The following ABTB3 variants were observed in gnomAD, a reference collection of about 807,000 sequenced individuals.
The protein encoded by ABTB3 is ankyrin repeat and BTB domain containing 3.
chr12:107,390,003 A>G, the ABTB3 span, among the ~76,000 whole-genome samples: 3 of 152,118 alleles, frequency 2.0e-5, no homozygotes, highest in East Asian at 5.8e-4. Context: ...TGGACTTCTT[A>G]AATGGTATTC....
the ABTB3 span, chr12:107,610,039 A>C: frequency 1.2e-6 from 1 of 840,340 alleles, no homozygotes. Flanking sequence ...GGATCAAGAG[A>C]CATCCGGAGG....
the ABTB3 span, among the ~76,000 whole-genome samples, chr12:107,353,312 G>A: frequency 6.6e-6 from 1 of 152,310 alleles, no homozygotes; most frequent in African/African-American, 2.4e-5. Flanking sequence ...GAACTCACTA[G>A]TGGGGTGGTA....
chr12:107,344,111 G>T, the ABTB3 span, among the ~76,000 whole-genome samples: 1 of 152,148 alleles, frequency 6.6e-6, no homozygotes, highest in Non-Finnish European at 1.5e-5. Context: ...CAATATGGCT[G>T]CTACAGCTTC....
chr12:107,584,150 T>C, the ABTB3 span, among the ~76,000 whole-genome samples: 1 of 152,242 alleles, frequency 6.6e-6, no homozygotes, highest in African/African-American at 2.4e-5. Flanking sequence ...CTAATCTCAT[T>C]TAATGTGACA....
chr12:107,322,416 G>A, the ABTB3 span, among the ~76,000 whole-genome samples: 1 of 152,174 alleles, frequency 6.6e-6, no homozygotes, highest in Non-Finnish European at 1.5e-5. Context: ...GTTAAAGAAT[G>A]AGTGATTAAT....
chr12:107,593,254 G>A, the ABTB3 span, among the ~76,000 whole-genome samples: 1 of 152,168 alleles, frequency 6.6e-6, no homozygotes, highest in Non-Finnish European at 1.5e-5. Context: ...TCCCACTACA[G>A]TGGCAGAGTT....
At chr12:107,587,948 A>G in the ABTB3 span, among the ~76,000 whole-genome samples, 1 of 152,184 alleles carries the variant, frequency 6.6e-6, no homozygotes, top group Non-Finnish European at 1.5e-5. Context: ...CTAGAGGCTA[A>G]AAATCCAAAA....
the ABTB3 span, among the ~76,000 whole-genome samples, chr12:107,490,806 G>T: frequency 1.3e-4 from 20 of 152,186 alleles, no homozygotes; most frequent in Non-Finnish European, 2.8e-4. Context: ...GAGAAAGGGT[G>T]CTGGATGTGT....
At chr12:107,542,531 T>C in the ABTB3 span, among the ~76,000 whole-genome samples, 1 of 152,118 alleles carries the variant, frequency 6.6e-6, no homozygotes, top group Non-Finnish European at 1.5e-5. Context: ...TAACACCTGT[T>C]ACGTATAAAA....
chr12:107,397,137 G>A, the ABTB3 span, among the ~76,000 whole-genome samples: 2 of 152,242 alleles, frequency 1.3e-5, no homozygotes. Flanking sequence ...ATTCCTAGAA[G>A]TAGAATTGCT....
chr12:107,522,435 G>T, the ABTB3 span, among the ~76,000 whole-genome samples: 1 of 151,994 alleles, frequency 6.6e-6, no homozygotes, highest in Non-Finnish European at 1.5e-5. Context: ...GCAGTTTTTA[G>T]TATATTTACC....
the ABTB3 span, among the ~76,000 whole-genome samples, chr12:107,423,374 T>C: frequency 6.6e-6 from 1 of 152,172 alleles, no homozygotes; most frequent in Admixed American, 6.5e-5. Context: ...CAGAACACAG[T>C]ATCTCCATGC....
chr12:107,402,418 C>T, the ABTB3 span, among the ~76,000 whole-genome samples: 1 of 152,162 alleles, frequency 6.6e-6, no homozygotes, highest in Non-Finnish European at 1.5e-5. Flanking sequence ...GCTGTTTCAT[C>T]TGTAAAGTGG....
chr12:107,579,465 A>G, the ABTB3 span, among the ~76,000 whole-genome samples: 1 of 152,196 alleles, frequency 6.6e-6, no homozygotes, highest in African/African-American at 2.4e-5. Context: ...GATCAATGAA[A>G]TGGGCATAAT....
the ABTB3 span, among the ~76,000 whole-genome samples, chr12:107,510,500 A>G: frequency 2.0e-5 from 3 of 152,098 alleles, no homozygotes; most frequent in Non-Finnish European, 4.4e-5. Context: ...TAGACAACAC[A>G]TTAACAGATA....
At chr12:107,607,987 T>C in the ABTB3 span, among the ~76,000 whole-genome samples, 1 of 152,060 alleles carries the variant, frequency 6.6e-6, no homozygotes, top group Non-Finnish European at 1.5e-5. Context: ...ACAAAGTGGG[T>C]TCATTAGAGG....
the ABTB3 span, among the ~76,000 whole-genome samples, chr12:107,333,193 C>T: frequency 6.6e-6 from 1 of 152,176 alleles, no homozygotes; most frequent in Non-Finnish European, 1.5e-5. Flanking sequence ...CAGCATATGA[C>T]TCTTCCTCCT....
At chr12:107,408,250 A>G in the ABTB3 span, among the ~76,000 whole-genome samples, 1 of 152,246 alleles carries the variant, frequency 6.6e-6, no homozygotes, top group African/African-American at 2.4e-5. Context: ...TGGAAAGTGT[A>G]CATCAAGTGC....
the ABTB3 span, among the ~76,000 whole-genome samples, chr12:107,469,228 T>C: frequency 1.3e-5 from 2 of 152,120 alleles, no homozygotes; most frequent in Non-Finnish European, 2.9e-5. Context: ...AAGCAGAATG[T>C]GTGTTTCCTG....
Sources: gnomAD v4.1 joint callset for allele counts (sites outside exome capture counted in the v4.1 genomes callset) on GRCh38, gnomAD v4.1.1 for gene constraint, MANE v1.5 for transcripts, NCBI Gene and HGNC (gene_info 2026-07-23, HGNC 2026-07-21) for gene names.